Variants in PTPRM observed in about 807,000 individuals in gnomAD.
The protein encoded by PTPRM is receptor-type tyrosine-protein phosphatase mu.
PTPRM carries 47 observed loss-of-function variants against 186.7 expected under a neutral mutation model. The observed-to-expected ratio is 0.25, with a 90% CI of 0.20 to 0.32. The LOEUF is 0.32. PTPRM is among the 10% of genes least tolerant of loss of function. The probability of loss-of-function intolerance (pLI) is 1.00; values close to 1 mark genes in which losing one functional copy is unlikely to be tolerated. For synonymous variants in PTPRM, 668 were observed against 674.9 expected (o/e 0.99, Z 0.16); for missense variants, 1,494 against 1,865.0 (o/e 0.80, Z 3.66).
At chr18:8,280,567 C>T (rs1447355806) in intron 19 of PTPRM, among the ~76,000 whole-genome samples, 1 of 152,062 alleles carries the variant, frequency 6.6e-6, no homozygotes, top group African/African-American at 2.4e-5. Context: ...CTGAGCTGCC[C>T]AAAATGGTTG....
At chr18:7,976,919 GTTT>G (rs377745578) in intron 7 of PTPRM, among the ~76,000 whole-genome samples, 208 of 137,708 alleles carry the variant, frequency 1.5e-3, no homozygotes, top group African/African-American at 5.2e-3. Flanking sequence ...GAAACTTGCT[GTTT>G]TTTTTTTTTT....
At chr18:8,030,735 G>T (rs746729239) in intron 7 of PTPRM, among the ~76,000 whole-genome samples, 3 of 152,194 alleles carry the variant, frequency 2.0e-5, no homozygotes, top group Admixed American at 6.5e-5. Context: ...GACAACATGA[G>T]GTGGTTCAAC....
At chr18:7,657,029 A>C (rs1224672673) in intron 1 of PTPRM, among the ~76,000 whole-genome samples, 1 of 152,166 alleles carries the variant, frequency 6.6e-6, no homozygotes, top group African/African-American at 2.4e-5. Flanking sequence ...CCAGCTCTAC[A>C]CTTTCCGACA....
At chr18:7,825,139 G>A (rs200660014) in intron 2 of PTPRM, among the ~76,000 whole-genome samples, 1 of 152,126 alleles carries the variant, frequency 6.6e-6, no homozygotes, top group Non-Finnish European at 1.5e-5. Context: ...AGAAGTGGCC[G>A]GGAGCCAGGA....
chr18:8,359,318 C>T (rs8084944), intron 23 of PTPRM, among the ~76,000 whole-genome samples: 295 of 152,378 alleles, frequency 1.9e-3, no homozygotes, highest in African/African-American at 6.9e-3. Flanking sequence ...CAGGTAACTG[C>T]GAGCTGGGTG....
chr18:8,392,057 T>C lies in PTPRM; in HGVS notation c.4209-2419T>C, dbSNP rs183565245. Among the ~76,000 whole-genome samples the C allele has an allele frequency of 4.3e-3, 661 of 152,120 alleles. 4 individuals carry two copies. Among genetic ancestry groups the C allele is most frequent in the African/African-American group, 0.016 (644 of 41,506 alleles). ...CAGATGAACTTGTTTCCTCAACAAA[T>C]AAATTCTCAAGAAAAAAGAGAGAGC... On this transcript the variant is annotated intron_variant, in intron 31 of 32. Coordinates refer to ENST00000580170, the MANE Select transcript of PTPRM (RefSeq NM_001105244.2).
At chr18:7,911,369 A>G (rs1415329266) in intron 4 of PTPRM, among the ~76,000 whole-genome samples, 3 of 152,210 alleles carry the variant, frequency 2.0e-5, no homozygotes, top group Non-Finnish European at 4.4e-5. Flanking sequence ...ACAGCAGTGT[A>G]TGATTTCAAT....
chr18:8,188,785 G>A (rs1454048223), intron 14 of PTPRM, among the ~76,000 whole-genome samples: 2 of 152,088 alleles, frequency 1.3e-5, no homozygotes, highest in Admixed American at 6.6e-5. Flanking sequence ...GGGGGTGGGG[G>A]AGTTATGTTT....
At chr18:8,181,773 C>T (rs1420343448) in intron 14 of PTPRM, among the ~76,000 whole-genome samples, 1 of 152,158 alleles carries the variant, frequency 6.6e-6, no homozygotes, top group South Asian at 2.1e-4. Flanking sequence ...CAGTTCAGAA[C>T]CCACTTTTCC....
At chr18:7,917,140 G>T (rs1328744861) in intron 4 of PTPRM, among the ~76,000 whole-genome samples, 8 of 152,278 alleles carry the variant, frequency 5.3e-5, no homozygotes, top group Non-Finnish European at 1.2e-4. Context: ...TGGTGAAAAA[G>T]CTCCTTCATA....
intron 1 of PTPRM, among the ~76,000 whole-genome samples, chr18:7,601,615 G>A (rs1487717337): frequency 6.6e-6 from 1 of 152,174 alleles, no homozygotes; most frequent in Non-Finnish European, 1.5e-5. Context: ...TCTCTTCTGT[G>A]TGTCTCTTTT....
Position 7,637,383 on chromosome 18 carries a change from T to C in PTPRM, c.73+69492T>C, listed in dbSNP as rs190901437. Among the ~76,000 whole-genome samples, 58 of 152,286 alleles carry C rather than the reference T, an allele frequency of 3.8e-4. 1 individual carries two copies. The highest frequency in any genetic ancestry group is 1.4e-3 in the African/African-American group (58 of 41,558). ...CTCAAGATAAAAAAGGAAGTCATAATTGCATGTTATGATATTCTTTGAAGT... is the reference window on the plus strand; with the variant it reads ...CTCAAGATAAAAAAGGAAGTCATAACTGCATGTTATGATATTCTTTGAAGT... On this transcript the variant is annotated intron_variant, in intron 1 of 32. Transcript: ENST00000580170.
At chr18:7,860,949 C>A (rs2047350116) in intron 2 of PTPRM, among the ~76,000 whole-genome samples, 1 of 152,144 alleles carries the variant, frequency 6.6e-6, no homozygotes, top group South Asian at 2.1e-4. Flanking sequence ...ATCCTTATCC[C>A]AATTATTTTC....
At chr18:8,313,219 G>A (rs935923411) in intron 20 of PTPRM, among the ~76,000 whole-genome samples, 3 of 152,168 alleles carry the variant, frequency 2.0e-5, no homozygotes, top group Non-Finnish European at 2.9e-5. Context: ...CAGTTTAGAA[G>A]CAGGGTTTCC....
At chr18:7,969,301 C>T (rs201324476) in intron 7 of PTPRM, among the ~76,000 whole-genome samples, 48,176 of 136,586 alleles carry the variant, frequency 0.35, 9,006 homozygotes, top group Non-Finnish European at 0.42. Context: ...GGGACACATT[C>T]AAAGCAGTGT....
At chr18:7,872,062 A>C (rs371201543) in intron 2 of PTPRM, among the ~76,000 whole-genome samples, 10 of 152,236 alleles carry the variant, frequency 6.6e-5, no homozygotes, top group African/African-American at 2.2e-4. Flanking sequence ...AATTCAACTA[A>C]TTGAGTGCCA....
intron 20 of PTPRM, among the ~76,000 whole-genome samples, chr18:8,305,954 A>G (rs2095217070): frequency 6.6e-6 from 1 of 151,518 alleles, no homozygotes; most frequent in South Asian, 2.1e-4. Context: ...CTAGAGTGCA[A>G]TGGTGCGATC....
At chr18:7,887,810 C>G (rs1281371112) in intron 2 of PTPRM, among the ~76,000 whole-genome samples, 1 of 152,184 alleles carries the variant, frequency 6.6e-6, no homozygotes, top group Non-Finnish European at 1.5e-5. Flanking sequence ...TGACTCCTGA[C>G]TGCTAGACCT....
intron 1 of PTPRM, among the ~76,000 whole-genome samples, chr18:7,704,338 C>T (rs1379319843): frequency 2.6e-5 from 4 of 152,136 alleles, no homozygotes; most frequent in African/African-American, 4.8e-5. Context: ...TAATTATTGC[C>T]TCAATTTCAG....
Sources: gnomAD v4.1 joint callset for allele counts (sites outside exome capture counted in the v4.1 genomes callset) on GRCh38, gnomAD v4.1.1 for gene constraint, MANE v1.5 for transcripts, NCBI Gene and HGNC (gene_info 2026-07-23, HGNC 2026-07-21) for gene names.